The following MTRFR variants were observed in gnomAD, a reference collection of about 807,000 sequenced individuals.
MTRFR encodes mitochondrial translation release factor in rescue.
A neutral mutation model predicts 11.9 loss-of-function variants in MTRFR; 10 were observed. That is an observed-to-expected ratio of 0.84 (90% CI 0.52 to 1.42). The LOEUF is 1.42. MTRFR is among the 40% of genes most tolerant of loss of function. MTRFR has a pLI of 0.00. For synonymous variants in MTRFR, 77 were observed against 79.1 expected, an observed-to-expected ratio of 0.97 and a Z score of 0.14; for missense variants, 196 against 197.9, an observed-to-expected ratio of 0.99 and a Z score of 0.06.
intron 2 of MTRFR, 110 bp from the exon 3 acceptor site, chr12:123,256,703 T>C: frequency 1.1e-6 from 1 of 880,532 alleles, no homozygotes; most frequent in Admixed American, 2.2e-5. Context: ...TCTCAATAAA[T>C]AAATAAATAG....
chr12:123,236,228 G>A (rs11057202), intron 1 of MTRFR, among the ~76,000 whole-genome samples: 1 of 152,136 alleles, frequency 6.6e-6, no homozygotes, highest in African/African-American at 2.4e-5. Context: ...TCCAAGATAG[G>A]TCTTACTGAG....
At chr12:123,240,451 G>A (rs912389846) in intron 1 of MTRFR, 1 of 152,122 alleles carries the variant, frequency 6.6e-6, no homozygotes, top group Non-Finnish European at 1.5e-5. Context: ...GCACATTAAA[G>A]TTTGCATGGG....
rs2048142099 is a variant in MTRFR, at chr12:123,253,600, A to AG, written c.-28-44dup. The stretch of plus-strand genomic sequence containing the variant: ...TCTTTGAATCTGAAGCATAATCTTG[A>AG]GGGCAGATGCCTCTTACTGAAAGCT... On this transcript the variant is annotated intron_variant, in intron 1 of 2. Transcript: ENST00000253233. 7 of 1,567,614 alleles carry AG rather than the reference A, an allele frequency of 4.5e-6. No homozygotes were observed. The South Asian group carries it at 7.8e-5, about 18-fold the overall frequency.
At chr12:123,255,171 T>C (rs2048169622) in intron 2 of MTRFR, 1 of 152,168 alleles carries the variant, frequency 6.6e-6, no homozygotes, top group South Asian at 2.1e-4. Flanking sequence ...AGTACAGGTG[T>C]GGAATCTGGG....
chr12:123,256,699 T>G, intron 2 of MTRFR, 114 bp from the exon 3 acceptor site: 1 of 839,136 alleles, frequency 1.2e-6, no homozygotes, highest in Non-Finnish European at 1.9e-6. Flanking sequence ...TCTGTCTCAA[T>G]AAATAAATAA....
At chr12:123,253,593 A>T in intron 1 of MTRFR, 54 bp from the exon 2 acceptor site, 1 of 1,550,684 alleles carries the variant, frequency 6.4e-7, no homozygotes, top group Admixed American at 1.7e-5. Context: ...TCTGAAGCAT[A>T]ATCTTGAGGG....
intron 1 of MTRFR, among the ~76,000 whole-genome samples, chr12:123,234,391 T>G (rs1476518706): frequency 6.6e-6 from 1 of 150,862 alleles, no homozygotes; most frequent in Non-Finnish European, 1.5e-5. Flanking sequence ...CTTTTTTTAT[T>G]TTTGTGGGGG....
At chr12:123,256,727 G>A (rs1020506735) in intron 2 of MTRFR, 86 bp from the exon 3 acceptor site, 29 of 1,036,842 alleles carry the variant, frequency 2.8e-5, no homozygotes, top group South Asian at 1.9e-4. Context: ...ATAAAAAAGC[G>A]AACAGGTTGA....
intron 1 of MTRFR, among the ~76,000 whole-genome samples, chr12:123,236,625 G>GT (rs2047855044): frequency 6.6e-6 from 1 of 152,004 alleles, no homozygotes; most frequent in Non-Finnish European, 1.5e-5. Flanking sequence ...AACTGCTTTG[G>GT]TTTGTATATG....
At chr12:123,241,767 G>A (rs532468330) in intron 1 of MTRFR, among the ~76,000 whole-genome samples, 9 of 152,274 alleles carry the variant, frequency 5.9e-5, no homozygotes, top group Non-Finnish European at 1.2e-4. Flanking sequence ...TGTTTGCTCC[G>A]GCCACAGGCC....
chr12:123,255,452 T>C (rs2048173121), intron 2 of MTRFR, among the ~76,000 whole-genome samples: 1 of 151,688 alleles, frequency 6.6e-6, no homozygotes, highest in Non-Finnish European at 1.5e-5. Flanking sequence ...AACCCTAATT[T>C]CATAGAATTT....
At chr12:123,238,471 T>C (rs1236972414) in intron 1 of MTRFR, among the ~76,000 whole-genome samples, 1 of 152,074 alleles carries the variant, frequency 6.6e-6, no homozygotes, top group Non-Finnish European at 1.5e-5. Flanking sequence ...TTCTTAAATG[T>C]CATATAAATA....
rs1042625352 is a variant in MTRFR at position 123,233,494 on chromosome 12, C to T, written c.-66C>T. ...CTCCGCTGAGGTGATTTGGATATCC[C>T]TAGAACGTTGAGGGCACGAGTCGGG... On this transcript the variant is annotated 5_prime_UTR_variant, in exon 1 of 3. Transcript: ENST00000253233. The T allele has an allele frequency of 3.3e-5, 5 of 152,282 alleles. No individual in the cohort carries two copies. The highest frequency in any genetic ancestry group is 2.0e-4 in the Admixed American group (3 of 15,288). The allele number at this position is 152,282 out of a possible 1,614,324, so 9.4% of individuals were successfully genotyped here.
At chr12:123,233,183 G>A (rs1287442194), upstream of MTRFR, 10 of 152,084 alleles carry the variant, frequency 6.6e-5, no homozygotes, top group Admixed American at 6.6e-4. Flanking sequence ...TTGGCTGCCC[G>A]GAAGGAGGCG....
rs1139873 is a variant in MTRFR, at chr12:123,256,948, G to C, written c.418G>C (p.Glu140Gln). Residue 140 changes from glutamate (E) to glutamine (Q), a missense_variant, in exon 3 of 3, where the codon GAA becomes CAA. Coordinates refer to ENST00000253233, the MANE Select transcript of MTRFR (RefSeq NM_152269.5). ...ACGAGAAGCGGCGAAGAAAAAACAA[G>C]AAAGGAAAAAAAGAGCAAAGGAAAC... Reference protein sequence around the residue: ...EKREAAKKKQERKKRAKETLE... With the variant: ...EKREAAKKKQQRKKRAKETLE... The C allele has an allele frequency of 1.2e-6, 2 of 1,613,194 alleles. No homozygotes were observed. The highest frequency in any genetic ancestry group is 1.7e-6 in the Non-Finnish European group (2 of 1,179,816).
intron 1 of MTRFR, among the ~76,000 whole-genome samples, chr12:123,248,001 CTG>C (rs1381816237): frequency 6.6e-6 from 1 of 151,560 alleles, no homozygotes; most frequent in Non-Finnish European, 1.5e-5. Context: ...TCTTTGTTGC[CTG>C]TGTACTTTAG....
At chr12:123,240,603 C>T (rs2047917778) in intron 1 of MTRFR, 2 of 148,428 alleles carry the variant, frequency 1.3e-5, no homozygotes, top group Non-Finnish European at 3.0e-5. Flanking sequence ...TAAACTAGTG[C>T]TTTACCTTTC....
At chr12:123,245,382 A>G (rs1346275825) in intron 1 of MTRFR, among the ~76,000 whole-genome samples, 1 of 152,104 alleles carries the variant, frequency 6.6e-6, no homozygotes, top group African/African-American at 2.4e-5. Context: ...TTGGTTCCGT[A>G]TGAATTTTAG....
intron 1 of MTRFR, chr12:123,252,248 A>C (rs1311385839): frequency 6.6e-6 from 1 of 152,116 alleles, no homozygotes; most frequent in Non-Finnish European, 1.5e-5. Flanking sequence ...CAGCCTGGGC[A>C]ATATGGCGAA....
Sources: allele counts gnomAD v4.1 joint callset (sites outside exome capture counted in the v4.1 genomes callset), GRCh38; gene constraint gnomAD v4.1.1; transcripts MANE v1.5; gene names NCBI Gene and HGNC (gene_info 2026-07-23, HGNC 2026-07-21).